PIAS1: variants seen among roughly 807,000 people sequenced by gnomAD.
PIAS1 encodes protein inhibitor of activated STAT 1, also known as E3 SUMO-protein ligase PIAS1.
Under a neutral mutation model 71.3 loss-of-function variants are expected in PIAS1, and 6 were observed. The ratio of observed to expected loss-of-function variants is 0.08; its 90% CI spans 0.05 to 0.17. The LOEUF is 0.17. PIAS1 is among the 10% of genes least tolerant of loss of function. The pLI, the probability that PIAS1 is intolerant of heterozygous loss-of-function variation, is 1.00. For synonymous variants in PIAS1, 303 were observed against 292.9 expected, an observed-to-expected ratio of 1.03 and a Z score of -0.35; for missense variants, 555 against 793.6, an observed-to-expected ratio of 0.70 and a Z score of 3.61.
intron 2 of PIAS1, among the ~76,000 whole-genome samples, chr15:68,119,093 A>G (rs1396044286): frequency 3.2e-5 from 3 of 92,712 alleles, no homozygotes; most frequent in African/African-American, 1.3e-4. Context: ...CAACAAACCA[A>G]ATAACCCAAT....
intron 1 of PIAS1, among the ~76,000 whole-genome samples, chr15:68,079,461 A>C (rs967941502): frequency 6.6e-6 from 1 of 151,922 alleles, no homozygotes; most frequent in Non-Finnish European, 1.5e-5. Context: ...AGCCCTTTAA[A>C]ATTTTTTTTC....
At chr15:68,129,838 CTT>C (rs2092677552) in intron 2 of PIAS1, among the ~76,000 whole-genome samples, 4 of 147,680 alleles carry the variant, frequency 2.7e-5, no homozygotes, top group Admixed American at 2.0e-4. Flanking sequence ...CACACACACT[CTT>C]ACATAGATTT....
intron 8 of PIAS1, among the ~76,000 whole-genome samples, chr15:68,172,799 G>T (rs1157968436): frequency 6.6e-6 from 1 of 152,224 alleles, no homozygotes; most frequent in East Asian, 1.9e-4. Context: ...GCAGCTCAGG[G>T]ACCAGATGAA....
chr15:68,188,064 TAA>T lies in PIAS1; in HGVS notation c.*239_*240del, dbSNP rs372768631. 7.3e-4 allele frequency: 198 copies of T among 272,838 alleles called. No individual in the cohort carries two copies. The East Asian group carries it at 8.8e-3, about 12-fold the overall frequency. 16.9% of individuals were successfully genotyped at this position (272,838 alleles called of 1,614,324 possible). A position where few individuals can be genotyped will look rare whatever the true frequency, so the allele number is the denominator to read the frequency against. ...CTGCCTGTGTGATAAAACACTTGTT[TAA>T]AAAAAAAAAGGAAAGAAAAGAAAAA... On this transcript the variant is annotated 3_prime_UTR_variant, in exon 14 of 14. Coordinates refer to ENST00000249636, the MANE Select transcript of PIAS1 (RefSeq NM_016166.3).
At chr15:68,123,898 T>TA (rs2092630522) in intron 2 of PIAS1, among the ~76,000 whole-genome samples, 1 of 152,150 alleles carries the variant, frequency 6.6e-6, no homozygotes, top group Non-Finnish European at 1.5e-5. Flanking sequence ...TGTCCAAACA[T>TA]AATTATAGGC....
At chr15:68,164,996 T>C (rs1216105911) in intron 8 of PIAS1, among the ~76,000 whole-genome samples, 192 bp downstream of exon 8, 2 of 152,242 alleles carry the variant, frequency 1.3e-5, no homozygotes, top group African/African-American at 4.8e-5. Flanking sequence ...TGATCTACTC[T>C]TAGTAAGACA....
intron 7 of PIAS1, among the ~76,000 whole-genome samples, chr15:68,155,466 A>AAC (rs993776052): frequency 4.1e-5 from 6 of 145,570 alleles, no homozygotes; most frequent in African/African-American, 9.9e-5. Flanking sequence ...AAAAAAAAAA[A>AAC]AAAAAACCAA....
intron 2 of PIAS1, among the ~76,000 whole-genome samples, chr15:68,135,008 G>C: frequency 2.2e-5 from 1 of 45,914 alleles, no homozygotes; most frequent in South Asian, 5.6e-4. Context: ...GCGGCTGGCC[G>C]GGCAGAGGGG....
intron 1 of PIAS1, among the ~76,000 whole-genome samples, chr15:68,066,546 A>G (rs1165546719): frequency 6.6e-6 from 1 of 152,078 alleles, no homozygotes; most frequent in Non-Finnish European, 1.5e-5. Context: ...CATTCTACCT[A>G]TTTTGTTTTT....
rs2093108286 is a variant in PIAS1 at position 68,189,460 on chromosome 15, C to A, written c.*1625C>A. 6.6e-6 allele frequency: 1 copy of A among 152,130 alleles called. No individual in the cohort carries two copies. Among genetic ancestry groups the A allele is most frequent in the Non-Finnish European group, 1.5e-5 (1 of 68,014 alleles). 9.4% of individuals were successfully genotyped at this position (152,130 alleles called of 1,614,324 possible). ...GTAGTTTTAAACCTTGCATTGGTAA[C>A]AAAATGATCAACTTTAATCCAGGTA... is the stretch of plus-strand genomic sequence containing the variant. On this transcript the variant is annotated 3_prime_UTR_variant, in exon 14 of 14. Coordinates refer to ENST00000249636, the MANE Select transcript of PIAS1 (RefSeq NM_016166.3).
chr15:68,105,031 G>A (rs1018349378), intron 2 of PIAS1, among the ~76,000 whole-genome samples: 1 of 152,148 alleles, frequency 6.6e-6, no homozygotes, highest in African/African-American at 2.4e-5. Flanking sequence ...GGGTAGGTGG[G>A]TTAGGTTTAA....
chr15:68,120,481 C>G (rs1392523092), intron 2 of PIAS1, among the ~76,000 whole-genome samples: 1 of 152,024 alleles, frequency 6.6e-6, no homozygotes, highest in African/African-American at 2.4e-5. Context: ...GGCTTATTAA[C>G]TATAACTCTT....
At chr15:68,168,673 A>ATT (rs56964312) in intron 8 of PIAS1, among the ~76,000 whole-genome samples, 2 of 152,100 alleles carry the variant, frequency 1.3e-5, no homozygotes, top group African/African-American at 4.8e-5. Flanking sequence ...GAATTTAGTG[A>ATT]TTTTTTTAAA....
intron 1 of PIAS1, among the ~76,000 whole-genome samples, chr15:68,072,764 C>A (rs538063639): frequency 1.3e-5 from 2 of 152,256 alleles, no homozygotes; most frequent in Non-Finnish European, 2.9e-5. Flanking sequence ...TCTTACATCC[C>A]TTTTCAAATT....
chr15:68,158,176 C>T (rs1462006863), intron 7 of PIAS1, among the ~76,000 whole-genome samples: 1 of 152,154 alleles, frequency 6.6e-6, no homozygotes, highest in Non-Finnish European at 1.5e-5. Flanking sequence ...CATCATGTGG[C>T]ACCTGCTTAT....
In PIAS1 at chr15:68,183,538, A is replaced by G. The variant is rs1413086460; in HGVS notation, c.1625-92A>G. On this transcript the variant is annotated intron_variant, in intron 12 of 13. Transcript: ENST00000249636. ...AATAAAATTCTGAGTGACATAGCAT[A>G]TAAGACTTGTATTTGTTTTTGAAGT... 2.7e-5 allele frequency: 17 copies of G among 625,868 alleles called. No homozygotes were observed. The Admixed American group carries it at 2.8e-4, about 10-fold the overall frequency. 38.8% of individuals were successfully genotyped at this position (625,868 alleles called of 1,614,324 possible). A position where few individuals can be genotyped will look rare whatever the true frequency, so the allele number is the denominator to read the frequency against.
chr15:68,142,776 A>C (rs555946130), intron 4 of PIAS1, among the ~76,000 whole-genome samples: 1 of 152,142 alleles, frequency 6.6e-6, no homozygotes, highest in Non-Finnish European at 1.5e-5. Flanking sequence ...CCTTATCTCC[A>C]TAAGAGGCAA....
chr15:68,180,320 C>G (rs990700067), intron 11 of PIAS1, among the ~76,000 whole-genome samples: 3 of 152,080 alleles, frequency 2.0e-5, no homozygotes, highest in Admixed American at 1.3e-4. Context: ...GGCTGGGCAA[C>G]TTCTGGGCTG....
At chr15:68,154,404 G>A (rs2092872710) in intron 7 of PIAS1, among the ~76,000 whole-genome samples, 1 of 152,110 alleles carries the variant, frequency 6.6e-6, no homozygotes, top group Non-Finnish European at 1.5e-5. Flanking sequence ...GGGGCTGCGT[G>A]GATTTAGGAG....
Sources: gnomAD v4.1 joint callset for allele counts (sites outside exome capture counted in the v4.1 genomes callset) on GRCh38, gnomAD v4.1.1 for gene constraint, MANE v1.5 for transcripts, NCBI Gene and HGNC (gene_info 2026-07-23, HGNC 2026-07-21) for gene names.